Variants in PCDHGA8 observed in about 807,000 individuals in gnomAD.
PCDHGA8 encodes protocadherin gamma-A8.
PCDHGA8 carries 45 observed loss-of-function variants against 59.2 expected under a neutral mutation model. The observed-to-expected ratio is 0.76, with a 90% confidence interval of 0.60 to 0.98. The LOEUF (loss-of-function observed/expected upper bound fraction) is 0.98. Ranked by LOEUF, PCDHGA8 falls within the 50% of genes least tolerant of loss-of-function variation. The pLI, the probability that PCDHGA8 is intolerant of heterozygous loss-of-function variation, is 0.00. For missense variants in PCDHGA8, 1,257 were observed against 1,196.2 expected, an observed-to-expected ratio of 1.05 and a Z score of -0.75; for synonymous variants, 531 against 519.0, an observed-to-expected ratio of 1.02 and a Z score of -0.32.
At chr5:141,466,515 TTTTCCTCCCAAATTGA>T (rs2099124043) in intron 1 of PCDHGA8, among the ~76,000 whole-genome samples, 1 of 152,232 alleles carries the variant, frequency 6.6e-6, no homozygotes, top group Admixed American at 6.5e-5. Context: ...AGATCATTTT[TTTTCCTCCCAAATTGA>T]TGTAGATGGT....
At chr5:141,403,226 C>A in intron 1 of PCDHGA8, 3 of 1,613,926 alleles carry the variant, frequency 1.9e-6, no homozygotes, top group South Asian at 1.1e-5. Context: ...TAGGATAGAC[C>A]GGGAGGAGCT....
At chr5:141,433,877 A>G (rs1481965040) in intron 1 of PCDHGA8, among the ~76,000 whole-genome samples, 5 of 151,470 alleles carry the variant, frequency 3.3e-5, no homozygotes, top group Admixed American at 6.6e-5. Context: ...AGTTTCATCC[A>G]TTGATGACAC....
Position 141,431,151 on chromosome 5 carries a change from C to A in PCDHGA8, c.2424+35914C>A, listed in dbSNP as rs764416448. On this transcript the variant is annotated intron_variant, in intron 1 of 3. Transcript: ENST00000398604. This position sits in a 1 kb window ranked among gnomAD's most constrained non-coding sequence, Gnocchi z 4.8. Reference sequence around the variant, plus strand: ...GTAAGGGACATTAACGACAATGCGCCTTACTTTCGTGAAAGTGAATTAGAA... The same window carrying A: ...GTAAGGGACATTAACGACAATGCGCATTACTTTCGTGAAAGTGAATTAGAA... 7.4e-6 allele frequency: 12 copies of A among 1,614,126 alleles called. No individual in the cohort carries two copies. Among genetic ancestry groups the A allele is most frequent in the Middle Eastern group, 1.6e-4 (1 of 6,084 alleles).
In PCDHGA8 at chr5:141,490,413, G is replaced by C. The variant is rs2233606; in HGVS notation, c.2425-4394G>C. 6 of 1,614,128 alleles carry C rather than the reference G, an allele frequency of 3.7e-6. No individual in the cohort carries two copies. In the South Asian group the frequency reaches 4.4e-5, roughly 12 times the overall value. On this transcript the variant is annotated intron_variant, in intron 1 of 3. Transcript: ENST00000398604. The surrounding 1 kb of genome is among the most constrained non-coding windows in gnomAD (Gnocchi z 5.4). ...GTGAAGTGAGCCTTGATATCTCTCCGGACCTGCCATTTCAGATTAAGCCTT... is the reference window on the plus strand; with the variant it reads ...GTGAAGTGAGCCTTGATATCTCTCCCGACCTGCCATTTCAGATTAAGCCTT...
intron 1 of PCDHGA8, among the ~76,000 whole-genome samples, chr5:141,474,085 AAAAC>A (rs937548165): frequency 1.3e-5 from 2 of 152,188 alleles, no homozygotes; most frequent in African/African-American, 4.8e-5. Flanking sequence ...CAAAAACCAA[AAAAC>A]AAACAACAAC....
intron 1 of PCDHGA8, chr5:141,433,096 C>G: frequency 3.1e-6 from 5 of 1,614,118 alleles, no homozygotes; most frequent in Non-Finnish European, 4.2e-6. Flanking sequence ...CAGACATGCT[C>G]GTCAGCCAGG....
At position 141,399,372 on chromosome 5, in the gene PCDHGA8, T is replaced by A; in HGVS notation, c.2424+4135T>A. The A allele has an allele frequency of 1.2e-6, 2 of 1,613,970 alleles. 1 individual carries two copies. The highest frequency in any genetic ancestry group is 2.2e-5 in the South Asian group (2 of 91,086). On this transcript the variant is annotated intron_variant, in intron 1 of 3. Transcript: ENST00000398604. ...ACCGAGAGCAAACCCCGGAGTACAATGTCACCATCACAGCCACAGACAGGG... is the reference window on the plus strand; with the variant it reads ...ACCGAGAGCAAACCCCGGAGTACAAAGTCACCATCACAGCCACAGACAGGG...
intron 1 of PCDHGA8, chr5:141,478,664 C>T (rs2099470287): frequency 1.3e-6 from 2 of 1,551,788 alleles, no homozygotes; most frequent in Non-Finnish European, 1.7e-6. Context: ...GATGCATTCA[C>T]ACTTTCAACT....
At chr5:141,419,299 C>T in intron 1 of PCDHGA8, 12 of 1,614,048 alleles carry the variant, frequency 7.4e-6, no homozygotes, top group Non-Finnish European at 1.0e-5. Flanking sequence ...CTGACCCAGA[C>T]TTCGGGCTCA....
chr5:141,397,271 T>C (rs552218945), intron 1 of PCDHGA8, among the ~76,000 whole-genome samples: 1 of 152,312 alleles, frequency 6.6e-6, no homozygotes, highest in East Asian at 1.9e-4. Context: ...AGCTACATCA[T>C]ATGGGCAGTA....
At chr5:141,418,316 A>G in intron 1 of PCDHGA8, 1 of 1,614,026 alleles carries the variant, frequency 6.2e-7, no homozygotes, top group Non-Finnish European at 8.5e-7. Context: ...GATGGGAACA[A>G]TTCTTGAGTC....
Position 141,476,540 on chromosome 5 carries a change from T to C in PCDHGA8, c.2425-18267T>C, listed in dbSNP as rs148362631. On this transcript the variant is annotated intron_variant, in intron 1 of 3. Coordinates refer to ENST00000398604, the MANE Select transcript of PCDHGA8 (RefSeq NM_032088.2). The surrounding 1 kb of genome is among the most constrained non-coding windows in gnomAD (Gnocchi z 7.6). Reference sequence around the variant, plus strand: ...TGCTTTCCCTACCCAGGAAATGAAATTGGAGATTAGCGAGGCCGTGGCTCC... The same window carrying C: ...TGCTTTCCCTACCCAGGAAATGAAACTGGAGATTAGCGAGGCCGTGGCTCC... 9.4e-5 allele frequency: 151 copies of C among 1,614,122 alleles called. 1 individual carries two copies. In the African/African-American group the frequency reaches 1.3e-3, roughly 14 times the overall value.
At position 141,410,457 on chromosome 5, in the gene PCDHGA8, A is replaced by G. The variant is rs372920524; in HGVS notation, c.2424+15220A>G. 1.2e-6 allele frequency: 2 copies of G among 1,614,044 alleles called. No homozygotes were observed. ...AGTGAGGGGACTTTGCCTTATTCTTATAATCTGTGCATTGCACATACGGGT... is the reference window on the plus strand; with the variant it reads ...AGTGAGGGGACTTTGCCTTATTCTTGTAATCTGTGCATTGCACATACGGGT... On this transcript the variant is annotated intron_variant, in intron 1 of 3. Transcript: ENST00000398604.
chr5:141,426,589 T>G (rs2096945227), intron 1 of PCDHGA8: 1 of 369,180 alleles, frequency 2.7e-6, no homozygotes, highest in South Asian at 2.0e-5. Context: ...ATCCTCTGTG[T>G]CATACCCTTA....
At chr5:141,418,654 G>C (rs2096278227) in intron 1 of PCDHGA8, 1 of 1,614,016 alleles carries the variant, frequency 6.2e-7, no homozygotes, top group African/African-American at 1.3e-5. Context: ...TGAGAGTGAA[G>C]GCCACTGACC....
In PCDHGA8 at chr5:141,419,962, GCT is replaced by G. The variant is rs1374844110; in HGVS notation, c.2424+24728_2424+24729del. ...TGGTGGCCTTGGCCTTGATTTCTGTGCTCTTTCTCCTCGCGGTGATTCTAGCT... is the reference window on the plus strand; with the variant it reads ...TGGTGGCCTTGGCCTTGATTTCTGTGCTTTCTCCTCGCGGTGATTCTAGCT... On this transcript the variant is annotated intron_variant, in intron 1 of 3. Coordinates refer to ENST00000398604, the MANE Select transcript of PCDHGA8 (RefSeq NM_032088.2). The G allele has an allele frequency of 3.1e-6, 5 of 1,613,974 alleles. No homozygotes were observed. In the African/African-American group the frequency reaches 4.0e-5, roughly 13 times the overall value.
chr5:141,396,830 G>A (rs1014090361), intron 1 of PCDHGA8, among the ~76,000 whole-genome samples: 1 of 152,198 alleles, frequency 6.6e-6, no homozygotes, highest in African/African-American at 2.4e-5. Context: ...TGCATATTCA[G>A]TGGAGTGGGA....
intron 1 of PCDHGA8, chr5:141,427,916 G>T: frequency 1.3e-6 from 2 of 1,578,854 alleles, no homozygotes; most frequent in East Asian, 2.2e-5. Flanking sequence ...GCGCCAACAT[G>T]AGCCGGCGCA....
chr5:141,480,453 A>G (rs1033797238), intron 1 of PCDHGA8, among the ~76,000 whole-genome samples: 1 of 152,182 alleles, frequency 6.6e-6, no homozygotes, highest in African/African-American at 2.4e-5. Context: ...AATTATTTTT[A>G]TTAGTTCCTC....
Sources: gnomAD v4.1 joint callset for allele counts (sites outside exome capture counted in the v4.1 genomes callset) on GRCh38, gnomAD v4.1.1 for gene constraint, Gnocchi (gnomAD v3.1) non-coding constraint, MANE v1.5 for transcripts, NCBI Gene and HGNC (gene_info 2026-07-23, HGNC 2026-07-21) for gene names.